Variants in NUDT3 observed in about 807,000 individuals in gnomAD.
The protein encoded by NUDT3 is diphosphoinositol polyphosphate phosphohydrolase 1.
A neutral mutation model predicts 23.6 loss-of-function variants in NUDT3; 9 were observed. The ratio of observed to expected loss-of-function variants is 0.38; its 90% CI spans 0.23 to 0.66. The LOEUF (loss-of-function observed/expected upper bound fraction) is 0.66, where lower values mean the gene tolerates loss of function less well. NUDT3 is among the 30% of genes least tolerant of loss of function. The pLI, the probability that NUDT3 is intolerant of heterozygous loss-of-function variation, is 0.52. For missense variants in NUDT3, 172 were observed against 218.5 expected (o/e 0.79, Z 1.34); for synonymous variants, 86 against 82.6 (o/e 1.04, Z -0.22).
chr6:34,319,207 T>C (rs1416318306), intron 2 of NUDT3, among the ~76,000 whole-genome samples: 2 of 152,142 alleles, frequency 1.3e-5, no homozygotes, highest in Non-Finnish European at 2.9e-5. Flanking sequence ...AGTTCTGCAG[T>C]GGATGCCAGC....
rs562786996 is a variant in NUDT3, at chr6:34,308,955, A to C, written c.211-13270T>G. Among the ~76,000 whole-genome samples the C allele has an allele frequency of 1.2e-3, 190 of 152,356 alleles. 1 individual carries two copies. Among genetic ancestry groups the C allele is most frequent in the African/African-American group, 4.5e-3 (189 of 41,582 alleles). On this transcript the variant is annotated intron_variant, in intron 2 of 4. Transcript: ENST00000607016. ...ACTTCATCCAACAACAGCAGAATAC[A>C]CATTATTCTCAAGCTCACATGGAAC... is the stretch of plus-strand genomic sequence containing the variant.
chr6:34,375,852 G>A (rs1454766751), intron 1 of NUDT3, among the ~76,000 whole-genome samples: 1 of 152,048 alleles, frequency 6.6e-6, no homozygotes, highest in East Asian at 1.9e-4. Flanking sequence ...CATTATAATT[G>A]ATGGCTCTAG....
At position 34,339,936 on chromosome 6, in the gene NUDT3, G is replaced by C. The variant is rs537463411; in HGVS notation, c.210+1926C>G. On this transcript the variant is annotated intron_variant, in intron 2 of 4. Transcript: ENST00000607016. Reference sequence around the variant, plus strand: ...GGTTTCTCAAAGTCAAATCCTAGACGGTGACGGCTTAGTAGTTTAAACATG... The same window carrying C: ...GGTTTCTCAAAGTCAAATCCTAGACCGTGACGGCTTAGTAGTTTAAACATG... 1.3e-4 allele frequency among the ~76,000 whole-genome samples: 20 copies of C among 152,238 alleles called. 1 individual carries two copies. In the South Asian group the frequency reaches 2.5e-3, roughly 19 times the overall value.
At chr6:34,330,871 T>C (rs1239686950) in intron 2 of NUDT3, among the ~76,000 whole-genome samples, 12 of 152,242 alleles carry the variant, frequency 7.9e-5, no homozygotes, top group African/African-American at 2.9e-4. Flanking sequence ...CTTCTTTTTT[T>C]TGAGATGGAG....
At chr6:34,369,333 C>T (rs1764791963) in intron 1 of NUDT3, among the ~76,000 whole-genome samples, 1 of 152,134 alleles carries the variant, frequency 6.6e-6, no homozygotes, top group Non-Finnish European at 1.5e-5. Flanking sequence ...AAAAAAGCAT[C>T]CTGAAATCTC....
chr6:34,334,496 G>T lies in NUDT3; in HGVS notation c.210+7366C>A, dbSNP rs568447868. ...CTCTACTAAAAATACGAAACTAGCC[G>T]GGCATGGTAGTGCACACCTATAATC... On this transcript the variant is annotated intron_variant, in intron 2 of 4. Coordinates refer to ENST00000607016, the MANE Select transcript of NUDT3 (RefSeq NM_006703.4). 2.6e-5 allele frequency among the ~76,000 whole-genome samples: 4 copies of T among 151,980 alleles called. No individual in the cohort carries two copies. The East Asian group carries it at 7.8e-4, about 30-fold the overall frequency.
chr6:34,331,178 C>A (rs1221928291), intron 2 of NUDT3, among the ~76,000 whole-genome samples: 1 of 152,054 alleles, frequency 6.6e-6, no homozygotes, highest in Non-Finnish European at 1.5e-5. Flanking sequence ...TGATAGACTG[C>A]GGATAGATTA....
At chr6:34,375,404 G>A (rs1041500653) in intron 1 of NUDT3, among the ~76,000 whole-genome samples, 1 of 152,124 alleles carries the variant, frequency 6.6e-6, no homozygotes, top group Non-Finnish European at 1.5e-5. Flanking sequence ...AGTCTCTCCT[G>A]CTCATAGTTT....
chr6:34,367,112 C>T (rs1019595808), intron 1 of NUDT3, among the ~76,000 whole-genome samples: 13 of 152,092 alleles, frequency 8.5e-5, no homozygotes, highest in Admixed American at 6.5e-5. Flanking sequence ...TGGTCTCGAA[C>T]TCCTCAAGTA....
intron 2 of NUDT3, among the ~76,000 whole-genome samples, chr6:34,298,808 G>A (rs1307208079): frequency 6.6e-6 from 1 of 152,138 alleles, no homozygotes; most frequent in African/African-American, 2.4e-5. Context: ...CTAATTAGCA[G>A]AATTCTATTT....
rs71000051 is a variant in NUDT3 at position 34,351,198 on chromosome 6, TAAAAAAAAA to T, written c.100-9235_100-9227del. Among the ~76,000 whole-genome samples, 66 of 17,898 alleles carry T rather than the reference TAAAAAAAAA, an allele frequency of 3.7e-3. 3 individuals carry two copies. Among genetic ancestry groups the T allele is most frequent in the Middle Eastern group, 0.036 (1 of 28 alleles). The allele number at this position is 17,898 out of a possible 152,430, so 11.7% of individuals were successfully genotyped here. A position where few individuals can be genotyped will look rare whatever the true frequency, so the allele number is the denominator to read the frequency against. ...GACCTCGTCTCTACACTCCCCTGCC[TAAAAAAAAA>T]AAAAAAAAAAAAAAAAAAACACTTT... On this transcript the variant is annotated intron_variant, in intron 1 of 4. Transcript: ENST00000607016.
chr6:34,357,114 A>G (rs1303320857), intron 1 of NUDT3, among the ~76,000 whole-genome samples: 1 of 152,064 alleles, frequency 6.6e-6, no homozygotes, highest in Non-Finnish European at 1.5e-5. Context: ...ATTCTGTTTT[A>G]GAAGTACTTA....
intron 1 of NUDT3, among the ~76,000 whole-genome samples, chr6:34,346,752 G>GTT (rs1366350938): frequency 1.3e-5 from 2 of 151,308 alleles, no homozygotes; most frequent in Non-Finnish European, 3.0e-5. Flanking sequence ...AAAAAAAAAA[G>GTT]TTTCTGTTTC....
At chr6:34,370,411 G>A (rs775354472) in intron 1 of NUDT3, among the ~76,000 whole-genome samples, 2 of 152,282 alleles carry the variant, frequency 1.3e-5, no homozygotes, top group Non-Finnish European at 1.5e-5. Flanking sequence ...CAACTTCAGC[G>A]TTCAAGGCAG....
chr6:34,328,570 C>G (rs1468037585), intron 2 of NUDT3, among the ~76,000 whole-genome samples: 1 of 152,146 alleles, frequency 6.6e-6, no homozygotes, highest in Non-Finnish European at 1.5e-5. Context: ...GTAACCCAGG[C>G]TGGAATGCAC....
At chr6:34,350,612 T>A (rs2113742487) in intron 1 of NUDT3, among the ~76,000 whole-genome samples, 1 of 150,902 alleles carries the variant, frequency 6.6e-6, no homozygotes, top group South Asian at 2.1e-4. Context: ...ATCAATAAAT[T>A]ATCACAGGGC....
At position 34,280,114 on chromosome 6, in the gene NUDT3, A is replaced by G. The variant is rs1424348436; in HGVS notation, c.*8639T>C. Reference sequence around the variant, plus strand: ...TGTACTGCCAGCCGCACCCATGAGAAGGAGGTGTGAAGGAAGCCTGAGGAC... The same window carrying G: ...TGTACTGCCAGCCGCACCCATGAGAGGGAGGTGTGAAGGAAGCCTGAGGAC... On this transcript the variant is annotated 3_prime_UTR_variant, in exon 5 of 5. Coordinates refer to ENST00000607016, the MANE Select transcript of NUDT3 (RefSeq NM_006703.4). 6.6e-6 allele frequency: 1 copy of G among 152,190 alleles called. No individual in the cohort carries two copies. Among genetic ancestry groups the G allele is most frequent in the Non-Finnish European group, 1.5e-5 (1 of 68,052 alleles). The allele number at this position is 152,190 out of a possible 1,614,324, so 9.4% of individuals were successfully genotyped here.
chr6:34,292,294 G>C (rs1763435068), intron 4 of NUDT3, among the ~76,000 whole-genome samples: 1 of 152,162 alleles, frequency 6.6e-6, no homozygotes, highest in Non-Finnish European at 1.5e-5. Flanking sequence ...CAATGTGAGG[G>C]GCATGGCGGC....
intron 1 of NUDT3, among the ~76,000 whole-genome samples, chr6:34,373,491 A>G (rs979330381): frequency 6.6e-6 from 1 of 152,156 alleles, no homozygotes; most frequent in Non-Finnish European, 1.5e-5. Context: ...CACAGAGGAT[A>G]AACTATGAGC....
Sources: allele counts gnomAD v4.1 joint callset (sites outside exome capture counted in the v4.1 genomes callset), GRCh38; gene constraint gnomAD v4.1.1; transcripts MANE v1.5; gene names NCBI Gene and HGNC (gene_info 2026-07-23, HGNC 2026-07-21).